Variants in FSTL5 observed in about 807,000 individuals in gnomAD.
FSTL5 encodes follistatin like 5, also known as follistatin-related protein 5.
FSTL5 carries 62 observed loss-of-function variants against 89.1 expected under a neutral mutation model. The observed-to-expected ratio is 0.70, with a 90% confidence interval of 0.57 to 0.86. The LOEUF (loss-of-function observed/expected upper bound fraction) is 0.86. FSTL5 is among the 40% of genes least tolerant of loss of function. FSTL5 has a pLI of 0.00. For synonymous variants in FSTL5, 383 were observed against 346.2 expected (o/e 1.11, Z -1.18); for missense variants, 1,057 against 1,001.6 (o/e 1.06, Z -0.75).
At chr4:161,591,098 A>C (rs1733804829) in intron 7 of FSTL5, among the ~76,000 whole-genome samples, 1 of 152,260 alleles carries the variant, frequency 6.6e-6, no homozygotes, top group Non-Finnish European at 1.5e-5. Context: ...TTGACAATAA[A>C]AAGGAATAAA....
chr4:161,914,315 G>A lies in FSTL5; in HGVS notation c.409+6089C>T, dbSNP rs112510732. 4.6e-3 allele frequency among the ~76,000 whole-genome samples: 703 copies of A among 152,178 alleles called. 5 individuals carry two copies. Among genetic ancestry groups the A allele is most frequent in the African/African-American group, 0.016 (652 of 41,526 alleles). ...AAGAAAAAAGAAATAGCATGAAAAT[G>A]TATAAAAACAAGATAAAATTGTCTA... On this transcript the variant is annotated intron_variant, in intron 4 of 15. Transcript: ENST00000306100.
At chr4:161,904,381 A>C (rs893320999) in intron 4 of FSTL5, among the ~76,000 whole-genome samples, 2 of 152,100 alleles carry the variant, frequency 1.3e-5, no homozygotes, top group Admixed American at 1.3e-4. Context: ...AGGAGTTTGT[A>C]ATTAGAAATG....
intron 3 of FSTL5, among the ~76,000 whole-genome samples, chr4:161,954,536 G>A (rs1369944175): frequency 6.6e-6 from 1 of 151,570 alleles, no homozygotes; most frequent in Non-Finnish European, 1.5e-5. Context: ...GTGCATGTGT[G>A]TATGTTTGTA....
At chr4:161,970,358 A>G (rs891495741) in intron 3 of FSTL5, among the ~76,000 whole-genome samples, 7 of 152,132 alleles carry the variant, frequency 4.6e-5, no homozygotes, top group African/African-American at 1.7e-4. Context: ...TGCAATATGG[A>G]AACACTTTGA....
At chr4:161,553,558 A>G (rs920217947) in intron 8 of FSTL5, among the ~76,000 whole-genome samples, 3 of 151,330 alleles carry the variant, frequency 2.0e-5, no homozygotes, top group African/African-American at 7.3e-5. Flanking sequence ...TACACATCCA[A>G]TGAGTGATAG....
chr4:161,927,426 T>C (rs1332140411), intron 3 of FSTL5, among the ~76,000 whole-genome samples: 1 of 151,718 alleles, frequency 6.6e-6, no homozygotes, highest in Non-Finnish European at 1.5e-5. Context: ...TCAAGCATTG[T>C]AATACAAGGG....
Position 161,464,492 on chromosome 4 carries a change from C to T in FSTL5, c.1609-5173G>A, listed in dbSNP as rs531332882. Among the ~76,000 whole-genome samples, 16 of 152,156 alleles carry T rather than the reference C, an allele frequency of 1.1e-4. No individual in the cohort carries two copies. The East Asian group carries it at 1.4e-3, about 13-fold the overall frequency. On this transcript the variant is annotated intron_variant, in intron 13 of 15. Coordinates refer to ENST00000306100, the MANE Select transcript of FSTL5 (RefSeq NM_020116.5). The stretch of plus-strand genomic sequence containing the variant: ...TTCCCAAGCCCTCCTGTCCTTGCTC[C>T]GCAGTTTTACATTTTCCAAAAGCAC...
intron 8 of FSTL5, among the ~76,000 whole-genome samples, chr4:161,582,658 G>A (rs1453125940): frequency 1.1e-4 from 16 of 152,118 alleles, no homozygotes; most frequent in Admixed American, 1.0e-3. Flanking sequence ...TTATTATAAA[G>A]TGTCATTATT....
chr4:161,989,746 G>C (rs1206302848), intron 3 of FSTL5, among the ~76,000 whole-genome samples: 1 of 152,050 alleles, frequency 6.6e-6, no homozygotes, highest in East Asian at 1.9e-4. Flanking sequence ...TGACTAAAAA[G>C]GACAGGAATT....
chr4:162,112,371 T>C (rs148969678), intron 1 of FSTL5, among the ~76,000 whole-genome samples: 4 of 152,248 alleles, frequency 2.6e-5, no homozygotes, highest in Non-Finnish European at 1.5e-5. Context: ...GCCTCCCCAG[T>C]AGGTAGAATG....
intron 3 of FSTL5, among the ~76,000 whole-genome samples, chr4:161,971,570 T>C (rs1735484108): frequency 6.6e-6 from 1 of 152,122 alleles, no homozygotes; most frequent in East Asian, 1.9e-4. Context: ...ACCAGGAACA[T>C]GGAATATGAA....
intron 4 of FSTL5, among the ~76,000 whole-genome samples, chr4:161,830,850 T>C (rs562454320): frequency 5.3e-5 from 8 of 152,052 alleles, no homozygotes; most frequent in South Asian, 4.1e-4. Flanking sequence ...CTAAAAAAAA[T>C]TGGGGTTGGA....
At chr4:161,738,679 T>C (rs1336284477) in intron 6 of FSTL5, among the ~76,000 whole-genome samples, 1 of 152,170 alleles carries the variant, frequency 6.6e-6, no homozygotes, top group Non-Finnish European at 1.5e-5. Context: ...ACCACATTAA[T>C]TGGTGTTGAT....
At chr4:161,409,361 T>A (rs1731507356) in intron 15 of FSTL5, among the ~76,000 whole-genome samples, 1 of 152,092 alleles carries the variant, frequency 6.6e-6, no homozygotes, top group African/African-American at 2.4e-5. Context: ...GAGCAAATGC[T>A]GAGGGAATTA....
At chr4:162,071,604 A>G (rs1183135439) in intron 2 of FSTL5, among the ~76,000 whole-genome samples, 2 of 151,832 alleles carry the variant, frequency 1.3e-5, no homozygotes, top group Non-Finnish European at 2.9e-5. Context: ...GATAATCAGC[A>G]TAGAAACCTT....
intron 7 of FSTL5, among the ~76,000 whole-genome samples, chr4:161,588,167 CTG>C (rs2126607855): frequency 6.6e-6 from 1 of 152,138 alleles, no homozygotes; most frequent in African/African-American, 2.4e-5. Context: ...GAGTGAGACT[CTG>C]TCTCTAAATA....
intron 8 of FSTL5, among the ~76,000 whole-genome samples, chr4:161,576,779 A>G (rs1434693643): frequency 6.6e-6 from 1 of 152,264 alleles, no homozygotes; most frequent in Non-Finnish European, 1.5e-5. Context: ...GAGATATGAA[A>G]AACAATAATT....
chr4:162,039,734 G>T (rs1298468706), intron 2 of FSTL5, among the ~76,000 whole-genome samples: 1 of 151,852 alleles, frequency 6.6e-6, no homozygotes, highest in East Asian at 1.9e-4. Context: ...ACTTTCACTG[G>T]TATATCGAAT....
chr4:161,842,155 T>C (rs1181106705), intron 4 of FSTL5, among the ~76,000 whole-genome samples: 1 of 152,178 alleles, frequency 6.6e-6, no homozygotes, highest in East Asian at 1.9e-4. Context: ...CTGTGAACCT[T>C]TCCGTGTGTA....
Sources: allele counts gnomAD v4.1 joint callset (sites outside exome capture counted in the v4.1 genomes callset), GRCh38; gene constraint gnomAD v4.1.1; transcripts MANE v1.5; gene names NCBI Gene and HGNC (gene_info 2026-07-23, HGNC 2026-07-21).